The following FREM2 variants were observed in gnomAD, a reference collection of about 807,000 sequenced individuals.
The protein encoded by FREM2 is FRAS1-related extracellular matrix protein 2.
Under a neutral mutation model 219.9 loss-of-function variants are expected in FREM2, and 119 were observed. The ratio of observed to expected loss-of-function variants is 0.54; its 90% CI spans 0.47 to 0.63. The LOEUF is 0.63. FREM2 is among the 30% of genes least tolerant of loss of function. The pLI, the probability that FREM2 is intolerant of heterozygous loss-of-function variation, is 0.00. For synonymous variants in FREM2, 1,562 were observed against 1,522.8 expected, an observed-to-expected ratio of 1.03 and a Z score of -0.60; for missense variants, 4,030 against 3,993.6, an observed-to-expected ratio of 1.01 and a Z score of -0.25.
At position 38,688,330 on chromosome 13, in the gene FREM2, A is replaced by T. The variant is rs1270471199; in HGVS notation, c.986A>T (p.Glu329Val). The change falls in exon 1 of 24, where the codon GAG (glutamate) becomes GTG (valine). Residue 329 changes from glutamate (E) to valine (V), a missense_variant. Transcript: ENST00000280481. Reference protein sequence around the residue: ...KPSFVAMMMMEVDQFVLTALT... With the variant: ...KPSFVAMMMMVVDQFVLTALT... ...AGTTTCGTGGCCATGATGATGATGG[A>T]GGTGGACCAGTTTGTACTGACGGCC... 1 of 1,614,182 alleles carries T rather than the reference A, an allele frequency of 6.2e-7. No individual in the cohort carries two copies. The highest frequency in any genetic ancestry group is 8.5e-7 in the Non-Finnish European group (1 of 1,180,038).
chr13:38,848,151 A>C (rs1877232233), intron 7 of FREM2, among the ~76,000 whole-genome samples: 1 of 152,168 alleles, frequency 6.6e-6, no homozygotes, highest in South Asian at 2.1e-4. Context: ...TCTAAGCCTG[A>C]TTTTTATTAC....
intron 2 of FREM2, among the ~76,000 whole-genome samples, chr13:38,736,866 TG>T (rs936822229): frequency 0.01 from 677 of 66,086 alleles, 14 homozygotes; most frequent in African/African-American, 0.036. Context: ...GCAAACCGTT[TG>T]TTTTTTTTTT....
At chr13:38,791,406 G>A (rs373301331) in intron 6 of FREM2, among the ~76,000 whole-genome samples, 2 of 152,078 alleles carry the variant, frequency 1.3e-5, no homozygotes, top group East Asian at 3.9e-4. Context: ...CATGTATGAA[G>A]AATAAAGCAA....
At chr13:38,807,188 G>GATATATATA (rs59898069) in intron 6 of FREM2, among the ~76,000 whole-genome samples, 1 of 66,410 alleles carries the variant, frequency 1.5e-5, no homozygotes, top group Non-Finnish European at 3.1e-5. Context: ...TCTTGTCTCT[G>GATATATATA]TTATATATAT....
intron 2 of FREM2, among the ~76,000 whole-genome samples, chr13:38,719,777 C>G (rs1184137976): frequency 6.6e-6 from 1 of 152,096 alleles, no homozygotes; most frequent in Non-Finnish European, 1.5e-5. Flanking sequence ...CCACAGTCAC[C>G]CTACTTGTTG....
intron 4 of FREM2, among the ~76,000 whole-genome samples, chr13:38,774,874 T>A (rs943420904): frequency 8.5e-5 from 13 of 152,214 alleles, no homozygotes; most frequent in Non-Finnish European, 1.2e-4. Flanking sequence ...ATTTAGTTTG[T>A]ACACTTGAAA....
intron 2 of FREM2, among the ~76,000 whole-genome samples, chr13:38,754,901 G>GATTATTATTATTATTATT (rs6145018): frequency 0.035 from 4,550 of 128,494 alleles, 117 homozygotes; most frequent in South Asian, 0.055. Flanking sequence ...TGATGATGAT[G>GATTATTATTATTATTATT]ATTATTATTA....
intron 6 of FREM2, among the ~76,000 whole-genome samples, chr13:38,806,305 G>A (rs1028931213): frequency 1.3e-4 from 19 of 151,866 alleles, no homozygotes; most frequent in South Asian, 4.1e-4. Flanking sequence ...GAGGAAGTGC[G>A]CAGTGCACAG....
chr13:38,854,218 A>G (rs1343954449), intron 11 of FREM2, among the ~76,000 whole-genome samples: 1 of 151,784 alleles, frequency 6.6e-6, no homozygotes, highest in Non-Finnish European at 1.5e-5. Context: ...TGAATGAGAA[A>G]ACTTGACCAC....
intron 2 of FREM2, among the ~76,000 whole-genome samples, chr13:38,727,373 G>A (rs940876527): frequency 6.6e-6 from 1 of 152,096 alleles, no homozygotes; most frequent in African/African-American, 2.4e-5. Context: ...CAGATACTTG[G>A]GAGGCTGAGG....
intron 2 of FREM2, among the ~76,000 whole-genome samples, chr13:38,746,470 A>G (rs1337417908): frequency 1.3e-5 from 2 of 152,164 alleles, no homozygotes; most frequent in Non-Finnish European, 2.9e-5. Context: ...CTCTCTCCCT[A>G]GAAGTGACAG....
At position 38,689,839 on chromosome 13, in the gene FREM2, TC is replaced by T; in HGVS notation, c.2497del (p.Leu833SerfsTer15). 6.2e-7 allele frequency: 1 copy of T among 1,614,100 alleles called. No individual in the cohort carries two copies. Among genetic ancestry groups the T allele is most frequent in the South Asian group, 1.1e-5 (1 of 91,084 alleles). ...CCCGTGGACAACCAGCCACCTGAGA[TC>T]CTCAACACCGGCTTCACTATTCAGG... ...LHPVDNQPPE[I>X]LNTGFTIQEK... On this transcript the variant is annotated frameshift_variant, in exon 1 of 24. Coordinates refer to ENST00000280481, the MANE Select transcript of FREM2 (RefSeq NM_207361.6). LOFTEE classifies it high-confidence loss of function.
intron 3 of FREM2, among the ~76,000 whole-genome samples, chr13:38,765,292 C>T (rs1352638668): frequency 6.6e-6 from 1 of 152,076 alleles, no homozygotes; most frequent in Non-Finnish European, 1.5e-5. Context: ...ATGGTTGGCA[C>T]AAAATATTTA....
chr13:38,792,533 G>C (rs1172089382), intron 6 of FREM2, among the ~76,000 whole-genome samples: 5 of 152,028 alleles, frequency 3.3e-5, no homozygotes, highest in Non-Finnish European at 5.9e-5. Flanking sequence ...TTAATATGTT[G>C]TTATAATTAT....
chr13:38,746,154 A>G (rs1180341999), intron 2 of FREM2, among the ~76,000 whole-genome samples: 1 of 152,216 alleles, frequency 6.6e-6, no homozygotes, highest in African/African-American at 2.4e-5. Flanking sequence ...ATTGGTCTTT[A>G]GACCACTTAT....
chr13:38,836,863 G>A (rs963399523), intron 6 of FREM2, among the ~76,000 whole-genome samples: 2 of 151,844 alleles, frequency 1.3e-5, no homozygotes, highest in Non-Finnish European at 2.9e-5. Context: ...GGCTAGTGGT[G>A]TATCTATTTT....
At chr13:38,770,095 C>T (rs1690816159) in intron 4 of FREM2, among the ~76,000 whole-genome samples, 2 of 146,620 alleles carry the variant, frequency 1.4e-5, no homozygotes, top group African/African-American at 5.0e-5. Flanking sequence ...ATTATATTTT[C>T]CAGCTAGTAC....
intron 3 of FREM2, among the ~76,000 whole-genome samples, chr13:38,764,890 T>G (rs912837678): frequency 6.6e-6 from 1 of 152,240 alleles, no homozygotes; most frequent in African/African-American, 2.4e-5. Flanking sequence ...AAACCTTTTT[T>G]CAACTCCAAT....
intron 2 of FREM2, among the ~76,000 whole-genome samples, chr13:38,749,273 A>G (rs952541231): frequency 1.3e-5 from 2 of 152,204 alleles, no homozygotes; most frequent in African/African-American, 2.4e-5. Context: ...TGTTGACAGT[A>G]GGAAAATTAC....
Sources: gnomAD v4.1 joint callset for allele counts (sites outside exome capture counted in the v4.1 genomes callset) on GRCh38, gnomAD v4.1.1 for gene constraint, MANE v1.5 for transcripts, NCBI Gene and HGNC (gene_info 2026-07-23, HGNC 2026-07-21) for gene names.